SCYL2: variants seen among roughly 807,000 people sequenced by gnomAD.
SCYL2 encodes SCY1-like protein 2.
SCYL2 carries 36 observed loss-of-function variants against 100.4 expected under a neutral mutation model. The observed-to-expected ratio is 0.36, with a 90% confidence interval of 0.27 to 0.47. The LOEUF (loss-of-function observed/expected upper bound fraction) is 0.47. Among genes scored for constraint, SCYL2 ranks in the 20% least tolerant of loss-of-function variants. The pLI, the probability that SCYL2 is intolerant of heterozygous loss-of-function variation, is 1.00. For missense variants in SCYL2, 902 were observed against 1,083.9 expected (o/e 0.83, Z 2.36); for synonymous variants, 330 against 359.2 (o/e 0.92, Z 0.92).
intron 13 of SCYL2, among the ~76,000 whole-genome samples, chr12:100,332,203 A>G (rs1952218486): frequency 6.6e-6 from 1 of 152,214 alleles, no homozygotes; most frequent in South Asian, 2.1e-4. Context: ...AGGGAAACTT[A>G]TTAGAGACTC....
chr12:100,315,503 C>A, intron 8 of SCYL2, 55 bp from the exon 9 acceptor site: 1 of 1,461,420 alleles, frequency 6.8e-7, no homozygotes, highest in Non-Finnish European at 9.2e-7. Context: ...TTAACTAATA[C>A]TAAAAACCTT....
chr12:100,286,014 A>C (rs1009107300), intron 2 of SCYL2, among the ~76,000 whole-genome samples: 8 of 152,242 alleles, frequency 5.3e-5, no homozygotes, highest in African/African-American at 1.9e-4. Context: ...ATGTCCTTTA[A>C]AAATTGGAAT....
intron 13 of SCYL2, among the ~76,000 whole-genome samples, chr12:100,332,342 C>G (rs1208300579): frequency 6.6e-6 from 1 of 152,172 alleles, no homozygotes; most frequent in Non-Finnish European, 1.5e-5. Context: ...ACAGTTTAGG[C>G]AAGTAAACCA....
Position 100,317,930 on chromosome 12 carries a change from A to G in SCYL2, c.1395+5A>G. On this transcript the variant is annotated splice_donor_5th_base_variant and intron_variant, in intron 10 of 17. Transcript: ENST00000360820. ...GCTCCTTCCATTCAGATCCAGGTAC[A>G]GTATCTGATTTGTTTTTCTTTAATG... 6.5e-7 allele frequency: 1 copy of G among 1,546,030 alleles called. No individual in the cohort carries two copies. Among genetic ancestry groups the G allele is most frequent in the South Asian group, 1.3e-5 (1 of 78,034 alleles).
intron 14 of SCYL2, among the ~76,000 whole-genome samples, chr12:100,334,779 G>A (rs942952972): frequency 9.2e-5 from 14 of 152,078 alleles, no homozygotes; most frequent in African/African-American, 3.4e-4. Flanking sequence ...TTCAAAGAAG[G>A]CAAAGATGGA....
chr12:100,300,129 T>C (rs1485698521), intron 4 of SCYL2, among the ~76,000 whole-genome samples: 1 of 152,230 alleles, frequency 6.6e-6, no homozygotes, highest in East Asian at 1.9e-4. Flanking sequence ...GAGCATCTTT[T>C]CATATGCTTC....
chr12:100,283,299 C>A, intron 2 of SCYL2, 152 bp downstream of exon 2: 1 of 609,108 alleles, frequency 1.6e-6, no homozygotes, highest in Non-Finnish European at 2.8e-6. Flanking sequence ...TTAAGTCATA[C>A]AAAAAAACAA....
At chr12:100,333,775 A>G (rs923943615) in intron 13 of SCYL2, 1 of 154,894 alleles carries the variant, frequency 6.5e-6, no homozygotes, top group African/African-American at 2.4e-5. Context: ...TATGCCTATT[A>G]AATGGATTAT....
chr12:100,290,325 A>G, intron 2 of SCYL2, among the ~76,000 whole-genome samples: 1 of 151,720 alleles, frequency 6.6e-6, no homozygotes, highest in East Asian at 1.9e-4. Flanking sequence ...GCTTGGGGGG[A>G]CGTTGTGTTT....
intron 3 of SCYL2, among the ~76,000 whole-genome samples, chr12:100,294,727 GTGGCTGGCCGGGTGGGGGGCTGACCCCCC>G (rs2135860410): frequency 7.7e-6 from 1 of 129,832 alleles, no homozygotes; most frequent in African/African-American, 3.4e-5. Context: ...CCCGGACGGG[GTGGCTGGCCGGGTGGGGGGCTGACCCCCC>G]CACCTCCCTC....
chr12:100,332,718 G>GT (rs375690956), intron 13 of SCYL2, among the ~76,000 whole-genome samples: 21,889 of 139,964 alleles, frequency 0.16, 1,848 homozygotes, highest in Middle Eastern at 0.21. Context: ...TTTTATTTTT[G>GT]TTTTTTTTTT....
chr12:100,271,548 T>G (rs2096287736), intron 1 of SCYL2, among the ~76,000 whole-genome samples: 1 of 152,270 alleles, frequency 6.6e-6, no homozygotes, highest in Non-Finnish European at 1.5e-5. Flanking sequence ...CTTTAAGGGA[T>G]AAAGCAAACT....
intron 3 of SCYL2, among the ~76,000 whole-genome samples, chr12:100,295,625 T>C (rs1592941914): frequency 6.6e-6 from 1 of 150,660 alleles, no homozygotes; most frequent in Non-Finnish European, 1.5e-5. Context: ...GGCAGGGAGG[T>C]TGCAGTGAGC....
Position 100,340,000 on chromosome 12 carries a change from A to G in SCYL2, c.*828A>G, listed in dbSNP as rs1952333170. Reference sequence around the variant, plus strand: ...ACTACTACCTTCATATTTCATTTCAAATTCAAACTTCTGAGGTTGCAGCAT... The same window carrying G: ...ACTACTACCTTCATATTTCATTTCAGATTCAAACTTCTGAGGTTGCAGCAT... On this transcript the variant is annotated 3_prime_UTR_variant, in exon 18 of 18. Coordinates refer to ENST00000360820, the MANE Select transcript of SCYL2 (RefSeq NM_017988.6). 6.6e-6 allele frequency: 1 copy of G among 152,590 alleles called. No homozygotes were observed. The highest frequency in any genetic ancestry group is 1.5e-5 in the Non-Finnish European group (1 of 68,004). 9.5% of individuals were successfully genotyped at this position (152,590 alleles called of 1,614,324 possible).
chr12:100,300,073 T>G (rs2096325744), intron 4 of SCYL2, among the ~76,000 whole-genome samples: 1 of 152,236 alleles, frequency 6.6e-6, no homozygotes. Flanking sequence ...TGCAGTAGTA[T>G]CTCATAGTGC....
intron 4 of SCYL2, among the ~76,000 whole-genome samples, chr12:100,304,812 T>C (rs1235612883): frequency 2.6e-5 from 4 of 151,336 alleles, no homozygotes; most frequent in Non-Finnish European, 5.9e-5. Flanking sequence ...GGAGTATTTA[T>C]CAAGCAAATG....
rs1451487468 is a variant in SCYL2 at position 100,334,199 on chromosome 12, C to G, written c.1795C>G (p.Leu599Val). Residue 599 changes from leucine (L) to valine (V), a missense_variant, in exon 14 of 18, where the codon CTT (leucine) becomes GTT (valine). By Grantham distance (32) the Leu-to-Val change is conservative. Coordinates refer to ENST00000360820, the MANE Select transcript of SCYL2 (RefSeq NM_017988.6). Reference protein sequence around the residue: ...NSFISVIKEMLNRLESEHKTK... With the variant: ...NSFISVIKEMVNRLESEHKTK... ...TTTCATTTCCGTCATAAAAGAAATG[C>G]TTAATAGATTGGAGTCTGAACATAA... 1 of 1,603,528 alleles carries G rather than the reference C, an allele frequency of 6.2e-7. No homozygotes were observed. The highest frequency in any genetic ancestry group is 1.1e-5 in the South Asian group (1 of 90,840).
At chr12:100,268,066 G>A (rs1247767220) in intron 1 of SCYL2, among the ~76,000 whole-genome samples, 2 of 152,170 alleles carry the variant, frequency 1.3e-5, no homozygotes, top group Non-Finnish European at 2.9e-5. Flanking sequence ...ACATACCTGT[G>A]ATCCGTAATT....
At chr12:100,309,460 C>T (rs997755387) in intron 4 of SCYL2, among the ~76,000 whole-genome samples, 10 of 152,126 alleles carry the variant, frequency 6.6e-5, no homozygotes, top group African/African-American at 9.7e-5. Flanking sequence ...CTAGGTACTT[C>T]GTGTAAGTGG....
Sources: allele counts gnomAD v4.1 joint callset (sites outside exome capture counted in the v4.1 genomes callset), GRCh38; gene constraint gnomAD v4.1.1; transcripts MANE v1.5; gene names NCBI Gene and HGNC (gene_info 2026-07-23, HGNC 2026-07-21).